Variants in GRIP1 observed in about 807,000 individuals in gnomAD.
The protein encoded by GRIP1 is glutamate receptor-interacting protein 1.
GRIP1 carries 45 observed loss-of-function variants against 129.9 expected under a neutral mutation model. That is an observed-to-expected ratio of 0.35 (90% CI 0.27 to 0.44). The LOEUF (loss-of-function observed/expected upper bound fraction) is 0.44. Among genes scored for constraint, GRIP1 ranks in the 20% least tolerant of loss-of-function variants. The pLI, the probability that GRIP1 is intolerant of heterozygous loss-of-function variation, is 1.00. For missense variants in GRIP1, 1,196 were observed against 1,396.8 expected, an observed-to-expected ratio of 0.86 and a Z score of 2.29; for synonymous variants, 530 against 520.8, an observed-to-expected ratio of 1.02 and a Z score of -0.24.
intron 1 of GRIP1, among the ~76,000 whole-genome samples, chr12:66,871,794 T>C (rs1279746180): frequency 6.6e-6 from 1 of 152,114 alleles, no homozygotes; most frequent in African/African-American, 2.4e-5. Context: ...TGAGAGAGAC[T>C]TGAAACTAGA....
chr12:66,546,522 T>C (rs2061951737), intron 2 of GRIP1, among the ~76,000 whole-genome samples: 1 of 152,022 alleles, frequency 6.6e-6, no homozygotes, highest in East Asian at 1.9e-4. Flanking sequence ...GTGGTATTGA[T>C]GGAGGGATAG....
chr12:66,894,015 G>A (rs1315848682), intron 1 of GRIP1, among the ~76,000 whole-genome samples: 1 of 152,026 alleles, frequency 6.6e-6, no homozygotes, highest in Non-Finnish European at 1.5e-5. Flanking sequence ...CCTCTCACCA[G>A]CCAGGCCACT....
At chr12:66,459,892 T>C (rs1173758187) in intron 9 of GRIP1, among the ~76,000 whole-genome samples, 1 of 152,246 alleles carries the variant, frequency 6.6e-6, no homozygotes, top group Non-Finnish European at 1.5e-5. Context: ...TTTTGGCATG[T>C]CCTGTCATTT....
chr12:66,816,439 T>G (rs966154597), intron 1 of GRIP1, among the ~76,000 whole-genome samples: 1 of 152,180 alleles, frequency 6.6e-6, no homozygotes, highest in Admixed American at 6.5e-5. Flanking sequence ...TACTAAAGGC[T>G]CTATCAAAAT....
intron 1 of GRIP1, among the ~76,000 whole-genome samples, chr12:66,976,738 T>C (rs533628342): frequency 3.5e-4 from 53 of 152,312 alleles, no homozygotes; most frequent in African/African-American, 1.2e-3. Context: ...GTTGAGTAAG[T>C]ATGATGTGTC....
At chr12:66,464,814 A>G (rs1165116839) in intron 8 of GRIP1, among the ~76,000 whole-genome samples, 1 of 130,550 alleles carries the variant, frequency 7.7e-6, no homozygotes, top group Non-Finnish European at 1.6e-5. Flanking sequence ...AACTGGCAAG[A>G]GAACTGTGTG....
intron 7 of GRIP1, among the ~76,000 whole-genome samples, chr12:66,490,431 G>GA (rs940435003): frequency 5.3e-5 from 8 of 152,294 alleles, no homozygotes; most frequent in Admixed American, 4.6e-4. Flanking sequence ...GCCATAGGCA[G>GA]AAAATTGAAA....
intron 1 of GRIP1, among the ~76,000 whole-genome samples, chr12:66,690,905 C>A (rs1328942515): frequency 6.6e-6 from 1 of 151,440 alleles, no homozygotes; most frequent in Non-Finnish European, 1.5e-5. Context: ...TGCAGTCCAG[C>A]CTGGGCAATA....
At chr12:66,630,473 T>C (rs554819005) in intron 1 of GRIP1, 86 of 152,248 alleles carry the variant, frequency 5.6e-4, no homozygotes, top group African/African-American at 2.0e-3. Context: ...ACATGGACTT[T>C]AGAGCTTGAT....
intron 1 of GRIP1, among the ~76,000 whole-genome samples, chr12:67,051,679 T>G (rs1362664486): frequency 6.6e-6 from 1 of 152,134 alleles, no homozygotes; most frequent in Non-Finnish European, 1.5e-5. Context: ...TGGCTGTAAA[T>G]AATGCAAGTT....
intron 1 of GRIP1, among the ~76,000 whole-genome samples, chr12:67,018,309 G>A (rs2042817730): frequency 1.3e-5 from 2 of 152,144 alleles, no homozygotes; most frequent in Non-Finnish European, 2.9e-5. Flanking sequence ...TCATGGAGGA[G>A]CGCCTCCAAG....
At chr12:66,631,611 TTC>T (rs1299074385) in intron 1 of GRIP1, among the ~76,000 whole-genome samples, 1 of 143,732 alleles carries the variant, frequency 7.0e-6, no homozygotes, top group Non-Finnish European at 1.6e-5. Flanking sequence ...ATTTCTCTCT[TTC>T]TCTCTCTCTC....
At chr12:66,782,222 T>C (rs1389218182) in intron 1 of GRIP1, among the ~76,000 whole-genome samples, 1 of 152,154 alleles carries the variant, frequency 6.6e-6, no homozygotes, top group East Asian at 1.9e-4. Context: ...AAATCCTATA[T>C]AGAAATGAAC....
chr12:67,065,573 A>G (rs1344984265), intron 1 of GRIP1, among the ~76,000 whole-genome samples: 1 of 152,210 alleles, frequency 6.6e-6, no homozygotes, highest in Admixed American at 6.5e-5. Flanking sequence ...GAAAATACAA[A>G]TTAATATTTT....
intron 1 of GRIP1, among the ~76,000 whole-genome samples, chr12:66,787,288 A>C (rs2038379866): frequency 6.6e-6 from 1 of 152,184 alleles, no homozygotes; most frequent in South Asian, 2.1e-4. Flanking sequence ...TTGTTTCCAG[A>C]AGACACACTC....
chr12:66,561,076 G>A (rs1565862172), intron 2 of GRIP1, among the ~76,000 whole-genome samples: 1 of 152,158 alleles, frequency 6.6e-6, no homozygotes, highest in Non-Finnish European at 1.5e-5. Context: ...AGTGAAATAA[G>A]CCAGGCACAG....
At chr12:66,974,860 C>T (rs902210013) in intron 1 of GRIP1, among the ~76,000 whole-genome samples, 1 of 152,118 alleles carries the variant, frequency 6.6e-6, no homozygotes, top group South Asian at 2.1e-4. Flanking sequence ...AAGGGATCCT[C>T]GAAATGTGTT....
At chr12:67,064,885 A>G (rs1049004463) in intron 1 of GRIP1, 40 of 146,694 alleles carry the variant, frequency 2.7e-4, no homozygotes, top group African/African-American at 8.3e-4. Context: ...TATATCTCCC[A>G]ATGCTATCCC....
At chr12:66,684,024 T>G (rs990802380), upstream of GRIP1, among the ~76,000 whole-genome samples, 6 of 152,222 alleles carry the variant, frequency 3.9e-5, no homozygotes, top group Non-Finnish European at 7.3e-5. Flanking sequence ...TTGGGCAAGT[T>G]TCTTAACCTT....
Sources: gnomAD v4.1 joint callset for allele counts (sites outside exome capture counted in the v4.1 genomes callset) on GRCh38, gnomAD v4.1.1 for gene constraint, MANE v1.5 for transcripts, NCBI Gene and HGNC (gene_info 2026-07-23, HGNC 2026-07-21) for gene names.